GABBR2: variants seen among roughly 807,000 people sequenced by gnomAD.
GABBR2 encodes the protein G-protein coupled receptor 51.
GABBR2 carries 23 observed loss-of-function variants against 105.6 expected under a neutral mutation model. The observed-to-expected ratio is 0.22, with a 90% CI of 0.16 to 0.31. GABBR2 has a LOEUF of 0.31. GABBR2 is among the 10% of genes least tolerant of loss of function. The pLI, the probability that GABBR2 is intolerant of heterozygous loss-of-function variation, is 1.00. For synonymous variants in GABBR2, 478 were observed against 499.7 expected (o/e 0.96, Z 0.58); for missense variants, 734 against 1,245.5 (o/e 0.59, Z 6.18).
rs1272590179 is a variant in GABBR2, at chr9:98,288,496, T to G, written c.*2088A>C. On this transcript the variant is annotated 3_prime_UTR_variant, in exon 19 of 19. Coordinates refer to ENST00000259455, the MANE Select transcript of GABBR2 (RefSeq NM_005458.8). ...CTCACCTCCGACAGTCCAATACTTT[T>G]GTTTGTTTTCCTGCTATGCTGGAAT... is the stretch of plus-strand genomic sequence containing the variant. 2 of 152,576 alleles carry G rather than the reference T, an allele frequency of 1.3e-5. No homozygotes were observed. Among genetic ancestry groups the G allele is most frequent in the African/African-American group, 4.8e-5 (2 of 41,390 alleles). 9.5% of individuals were successfully genotyped at this position (152,576 alleles called of 1,614,324 possible). A position where few individuals can be genotyped will look rare whatever the true frequency, so the allele number is the denominator to read the frequency against.
At chr9:98,441,527 C>G (rs527956329) in intron 7 of GABBR2, among the ~76,000 whole-genome samples, 38 of 152,292 alleles carry the variant, frequency 2.5e-4, no homozygotes, top group African/African-American at 9.1e-4. Context: ...GCCATCACAA[C>G]CAGCTAATTT....
At chr9:98,417,203 T>C (rs1048867111) in intron 7 of GABBR2, among the ~76,000 whole-genome samples, 9 of 152,318 alleles carry the variant, frequency 5.9e-5, no homozygotes, top group Admixed American at 1.3e-4. Context: ...TCCCCAGTGT[T>C]GGTGGGCCAA....
chr9:98,668,322 C>T (rs2131859017), intron 1 of GABBR2, among the ~76,000 whole-genome samples: 1 of 152,246 alleles, frequency 6.6e-6, no homozygotes, highest in East Asian at 1.9e-4. Flanking sequence ...GTGGCTGCTG[C>T]CCCTTGGTAT....
At chr9:98,329,265 CCTAT>C (rs1388990103) in intron 13 of GABBR2, among the ~76,000 whole-genome samples, 1 of 152,224 alleles carries the variant, frequency 6.6e-6, no homozygotes, top group African/African-American at 2.4e-5. Context: ...TCCTTAGTCA[CCTAT>C]CTGACTCTGA....
chr9:98,629,839 A>G (rs1415733951), intron 1 of GABBR2, among the ~76,000 whole-genome samples: 1 of 152,222 alleles, frequency 6.6e-6, no homozygotes, highest in East Asian at 1.9e-4. Context: ...ATGACGATCC[A>G]GATATTTTTG....
intron 13 of GABBR2, among the ~76,000 whole-genome samples, chr9:98,320,462 G>A (rs1225732553): frequency 6.6e-6 from 1 of 152,024 alleles, no homozygotes; most frequent in Non-Finnish European, 1.5e-5. Context: ...ATTTGACCCA[G>A]CCATCCCATT....
In GABBR2 at chr9:98,303,149, G is replaced by T. The variant is rs538437363; in HGVS notation, c.2412+92C>A. The T allele has an allele frequency of 6.2e-6, 6 of 975,176 alleles. No homozygotes were observed. The South Asian group carries it at 6.5e-5, about 10-fold the overall frequency. 60.4% of individuals were successfully genotyped at this position (975,176 alleles called of 1,614,324 possible). On this transcript the variant is annotated intron_variant, in intron 16 of 18. Coordinates refer to ENST00000259455, the MANE Select transcript of GABBR2 (RefSeq NM_005458.8). The stretch of plus-strand genomic sequence containing the variant: ...ATGAGACTGCACGGTCATGCTGCAG[G>T]GATGGTCTAGAGGAGCCTGAGAGTC...
chr9:98,576,468 A>T (rs1283618788), intron 2 of GABBR2, among the ~76,000 whole-genome samples: 1 of 152,104 alleles, frequency 6.6e-6, no homozygotes, highest in Non-Finnish European at 1.5e-5. Context: ...GGCAGTCACT[A>T]TATATCTCAT....
chr9:98,551,934 G>C (rs533159976), intron 2 of GABBR2: 6 of 152,298 alleles, frequency 3.9e-5, no homozygotes, highest in African/African-American at 1.4e-4. Flanking sequence ...TATGCTTCGC[G>C]AACATTGAAG....
At chr9:98,496,936 T>G (rs999212922) in intron 3 of GABBR2, among the ~76,000 whole-genome samples, 10 of 152,168 alleles carry the variant, frequency 6.6e-5, no homozygotes, top group Non-Finnish European at 1.5e-4. Flanking sequence ...AAAGACAATA[T>G]AGAGTAAAGG....
At chr9:98,501,141 C>T (rs574648783) in intron 3 of GABBR2, among the ~76,000 whole-genome samples, 20 of 140,668 alleles carry the variant, frequency 1.4e-4, no homozygotes, top group East Asian at 4.0e-4. Flanking sequence ...CCCCCTTCCC[C>T]GCCCCCTGCT....
At chr9:98,546,780 C>A (rs150674013) in intron 2 of GABBR2, among the ~76,000 whole-genome samples, 1 of 58,114 alleles carries the variant, frequency 1.7e-5, no homozygotes. Flanking sequence ...GCCATCTCTT[C>A]TTTTTTAATG....
At chr9:98,319,992 T>G (rs1367550721) in intron 13 of GABBR2, among the ~76,000 whole-genome samples, 1 of 151,942 alleles carries the variant, frequency 6.6e-6, no homozygotes, top group Non-Finnish European at 1.5e-5. Flanking sequence ...CTAATTAAAC[T>G]AAAGAGCTTC....
chr9:98,485,537 C>T (rs1299981995), intron 4 of GABBR2, among the ~76,000 whole-genome samples: 1 of 152,038 alleles, frequency 6.6e-6, no homozygotes, highest in Non-Finnish European at 1.5e-5. Flanking sequence ...CACACACACT[C>T]ACGCACGCAC....
rs1164470468 is a variant in GABBR2, at chr9:98,631,674, C to A, written c.322-53602G>T. ...ATTTTAAAGTAATCGAGTCCTCTAA[C>A]TCATCTCCCTCCCAAATACAAATCT... On this transcript the variant is annotated intron_variant, in intron 1 of 18. Coordinates refer to ENST00000259455, the MANE Select transcript of GABBR2 (RefSeq NM_005458.8). Among the ~76,000 whole-genome samples the A allele has an allele frequency of 2.0e-5, 3 of 152,208 alleles. No individual in the cohort carries two copies. The East Asian group carries it at 5.8e-4, about 29-fold the overall frequency.
At chr9:98,359,562 C>T (rs1831546539) in intron 13 of GABBR2, among the ~76,000 whole-genome samples, 2 of 152,222 alleles carry the variant, frequency 1.3e-5, no homozygotes, top group East Asian at 1.9e-4. Flanking sequence ...TATGCTCTCT[C>T]AGGGTGAATT....
At chr9:98,436,303 A>AT (rs1564068032) in intron 7 of GABBR2, among the ~76,000 whole-genome samples, 19 of 92,484 alleles carry the variant, frequency 2.1e-4, no homozygotes, top group African/African-American at 7.9e-4. Flanking sequence ...ATATATATAT[A>AT]CCCATAAATA....
In GABBR2 at chr9:98,708,728, G is replaced by T; in HGVS notation, c.10C>A (p.Pro4Thr). MAS[P>T]RSSGQPGPPP... ...GGCCCGGGCTGCCCGGAGCTCCGCG[G>T]GGAAGCCATGCCGCGCCGCGGGCTG... is the stretch of plus-strand genomic sequence containing the variant. Residue 4 changes from proline (P) to threonine (T), a missense_variant, in exon 1 of 19, where the codon CCG (proline) becomes ACG (threonine). Pro to Thr is a conservative substitution (Grantham distance 38). This residue lies in a region of GABBR2 where 70 missense variants were observed against 73.4 expected (regional missense o/e 0.95). Transcript: ENST00000259455. The T allele has an allele frequency of 1.0e-6, 1 of 988,538 alleles. No homozygotes were observed. The highest frequency in any genetic ancestry group is 1.2e-6 in the Non-Finnish European group (1 of 833,608). 61.2% of individuals were successfully genotyped at this position (988,538 alleles called of 1,614,324 possible).
At chr9:98,387,767 G>GTAAAA (rs772674713) in intron 10 of GABBR2, among the ~76,000 whole-genome samples, 2 of 151,036 alleles carry the variant, frequency 1.3e-5, no homozygotes, top group East Asian at 1.9e-4. Flanking sequence ...TCTTAAAAAA[G>GTAAAA]TAAAATAAAA....
Sources: gnomAD v4.1 joint callset for allele counts (sites outside exome capture counted in the v4.1 genomes callset) on GRCh38, gnomAD v4.1.1 for gene constraint, gnomAD v4.1.1 regional missense constraint, MANE v1.5 for transcripts, NCBI Gene and HGNC (gene_info 2026-07-23, HGNC 2026-07-21) for gene names.